Variants in LOXL2 observed in about 807,000 individuals in gnomAD.
LOXL2 encodes the protein lysyl oxidase homolog 2.
Under a neutral mutation model 93.0 loss-of-function variants are expected in LOXL2, and 70 were observed. The ratio of observed to expected loss-of-function variants is 0.75; its 90% CI spans 0.62 to 0.92. The LOEUF is 0.92. Among genes scored for constraint, LOXL2 ranks in the 40% least tolerant of loss-of-function variants. The pLI is 0.00. For synonymous variants in LOXL2, 438 were observed against 413.2 expected (o/e 1.06, Z -0.73); for missense variants, 973 against 1,054.9 (o/e 0.92, Z 1.08).
At chr8:23,366,595 G>A (rs1255338103) in intron 2 of LOXL2, among the ~76,000 whole-genome samples, 1 of 152,242 alleles carries the variant, frequency 6.6e-6, no homozygotes, top group African/African-American at 2.4e-5. Flanking sequence ...GTGGGTTGAG[G>A]TCTGCGCTAT....
intron 6 of LOXL2, among the ~76,000 whole-genome samples, chr8:23,327,298 G>T (rs1803594877): frequency 6.6e-6 from 1 of 152,220 alleles, no homozygotes; most frequent in South Asian, 2.1e-4. Flanking sequence ...GTTCAATGCA[G>T]GATTCTACAG....
intron 5 of LOXL2, among the ~76,000 whole-genome samples, chr8:23,332,650 C>G (rs1017521810): frequency 1.7e-5 from 2 of 114,394 alleles, no homozygotes; most frequent in African/African-American, 7.1e-5. Context: ...CACACTCACA[C>G]GCTCATACAC....
At chr8:23,310,135 C>T (rs943183083) in intron 9 of LOXL2, among the ~76,000 whole-genome samples, 12 of 152,192 alleles carry the variant, frequency 7.9e-5, no homozygotes, top group Admixed American at 6.5e-5. Context: ...TGCAGATGAG[C>T]GAGATGTTAA....
chr8:23,373,377 C>T (rs950563045), intron 1 of LOXL2, among the ~76,000 whole-genome samples: 1 of 152,106 alleles, frequency 6.6e-6, no homozygotes, highest in African/African-American at 2.4e-5. Flanking sequence ...GCCGTGTCAC[C>T]CAGGCTGAAG....
At chr8:23,338,532 C>G (rs1394740470) in intron 4 of LOXL2, among the ~76,000 whole-genome samples, 1 of 152,202 alleles carries the variant, frequency 6.6e-6, no homozygotes, top group Non-Finnish European at 1.5e-5. Flanking sequence ...CCACCCCAGA[C>G]TGGGAATTAC....
At chr8:23,303,507 G>C (rs1185172906) in intron 10 of LOXL2, 110 bp from the exon 11 acceptor site, 1 of 667,560 alleles carries the variant, frequency 1.5e-6, no homozygotes, top group Non-Finnish European at 2.7e-6. Context: ...GGGACCAGAG[G>C]GGGCCGGGTG....
chr8:23,400,116 G>A (rs1800138080), intron 1 of LOXL2, among the ~76,000 whole-genome samples: 1 of 152,206 alleles, frequency 6.6e-6, no homozygotes, highest in Non-Finnish European at 1.5e-5. Flanking sequence ...TCATTAACAA[G>A]GTGGAGAAAT....
intron 5 of LOXL2, among the ~76,000 whole-genome samples, chr8:23,332,660 C>G (rs1255249801): frequency 1.9e-5 from 1 of 51,970 alleles, no homozygotes; most frequent in Non-Finnish European, 3.6e-5. Context: ...CGCTCATACA[C>G]CCCCCCACAC....
At chr8:23,395,486 G>A (rs1433246974) in intron 1 of LOXL2, among the ~76,000 whole-genome samples, 1 of 152,114 alleles carries the variant, frequency 6.6e-6, no homozygotes, top group African/African-American at 2.4e-5. Context: ...ACATTTTAAA[G>A]TTGACTGGGG....
chr8:23,342,604 T>C (rs573234031), intron 3 of LOXL2, among the ~76,000 whole-genome samples: 9 of 152,046 alleles, frequency 5.9e-5, no homozygotes, highest in Non-Finnish European at 1.2e-4. Context: ...GCCAATTGTT[T>C]GTATTTTTAG....
At position 23,368,008 on chromosome 8, in the gene LOXL2, C is replaced by A; in HGVS notation, c.344G>T (p.Gly115Val). The A allele has an allele frequency of 1.2e-6, 2 of 1,612,478 alleles. No homozygotes were observed. The highest frequency in any genetic ancestry group is 1.7e-6 in the Non-Finnish European group (2 of 1,179,312). Reference sequence around the variant, plus strand: ...CACAGAGCGTTTACCTTCTCCCTTGCCGTAGGAGGAGCTGGCAGTCCAGGA... The same window carrying A: ...CACAGAGCGTTTACCTTCTCCCTTGACGTAGGAGGAGCTGGCAGTCCAGGA... ...AKSWTASSSY[G>V]KGEGPIWLDN... is the part of the protein sequence containing the mutation. Residue 115 changes from glycine (G) to valine (V), a missense_variant, in exon 2 of 14, where the codon GGC becomes GTC. Coordinates refer to ENST00000389131, the MANE Select transcript of LOXL2 (RefSeq NM_002318.3).
chr8:23,400,915 ATC>A (rs1800145484), intron 1 of LOXL2, among the ~76,000 whole-genome samples: 1 of 152,196 alleles, frequency 6.6e-6, no homozygotes. Flanking sequence ...CAGTTCATTT[ATC>A]TCAAGCACCA....
intron 9 of LOXL2, among the ~76,000 whole-genome samples, chr8:23,313,517 G>C (rs1290223436): frequency 6.7e-6 from 1 of 149,402 alleles, no homozygotes; most frequent in Non-Finnish European, 1.5e-5. Flanking sequence ...TCTGATCTTT[G>C]ACAAACCTGA....
chr8:23,379,284 T>G (rs531569874), intron 1 of LOXL2, among the ~76,000 whole-genome samples: 63 of 152,316 alleles, frequency 4.1e-4, no homozygotes, highest in African/African-American at 1.5e-3. Flanking sequence ...CCTGCCTGAT[T>G]GTTCCTCTGG....
intron 11 of LOXL2, 139 bp from the exon 12 acceptor site, chr8:23,302,302 C>T (rs1290740229): frequency 3.0e-6 from 3 of 994,574 alleles, no homozygotes; most frequent in African/African-American, 1.6e-5. Flanking sequence ...CTCATCTGTT[C>T]TCATTTCAGT....
Position 23,368,290 on chromosome 8 carries a change from G to C in LOXL2, c.62C>G (p.Pro21Arg), listed in dbSNP as rs201980255. ...GCTGTCATACTGTGCCAGGCTCAGG[G>C]GGGACAGGAGGGCCAGCATAGCCAG... ...SCLAMLALLS[P>R]LSLAQYDSWP... Residue 21 changes from proline to arginine, a missense_variant, in exon 2 of 14, where the codon CCC becomes CGC. Transcript: ENST00000389131. The C allele has an allele frequency of 1.0e-4, 161 of 1,613,408 alleles. 1 individual carries two copies. Among genetic ancestry groups the C allele is most frequent in the Non-Finnish European group, 8.5e-5 (100 of 1,180,032 alleles).
intron 4 of LOXL2, among the ~76,000 whole-genome samples, chr8:23,334,578 C>A (rs952839212): frequency 1.3e-5 from 2 of 152,132 alleles, no homozygotes; most frequent in African/African-American, 4.8e-5. Flanking sequence ...TGTCTCTGTA[C>A]CATATCCTAA....
chr8:23,336,350 G>T (rs1455860031), intron 4 of LOXL2: 2 of 151,932 alleles, frequency 1.3e-5, no homozygotes, highest in East Asian at 4.1e-4. Flanking sequence ...CCTCCCAGGG[G>T]ATACCCTCCC....
intron 1 of LOXL2, among the ~76,000 whole-genome samples, chr8:23,375,200 G>A (rs1804568569): frequency 6.6e-6 from 1 of 152,226 alleles, no homozygotes; most frequent in South Asian, 2.1e-4. Flanking sequence ...TATTAAATAG[G>A]GAATCCTTTC....
Sources: gnomAD v4.1 joint callset for allele counts (sites outside exome capture counted in the v4.1 genomes callset) on GRCh38, gnomAD v4.1.1 for gene constraint, MANE v1.5 for transcripts, NCBI Gene and HGNC (gene_info 2026-07-23, HGNC 2026-07-21) for gene names.